Variants in ESF1 observed in about 807,000 individuals in gnomAD.
ESF1 encodes the protein ESF1 nucleolar pre-rRNA processing protein, also known as ESF1 homolog.
In ESF1, 58 loss-of-function variants were observed where a neutral mutation model predicts 92.0. The observed-to-expected ratio is 0.63, with a 90% CI of 0.51 to 0.78. The LOEUF is 0.78. Ranked by LOEUF, ESF1 falls within the 30% of genes least tolerant of loss-of-function variation. The pLI is 0.00. For synonymous variants in ESF1, 321 were observed against 313.7 expected, an observed-to-expected ratio of 1.02 and a Z score of -0.24; for missense variants, 922 against 989.1, an observed-to-expected ratio of 0.93 and a Z score of 0.91.
chr20:13,746,440 T>G (rs1230443442), intron 9 of ESF1, among the ~76,000 whole-genome samples: 1 of 152,218 alleles, frequency 6.6e-6, no homozygotes, highest in Non-Finnish European at 1.5e-5. Context: ...CACCTGCCTC[T>G]TTGTCAGTTA....
At position 13,715,080 on chromosome 20, in the gene ESF1, T is replaced by C. The variant is rs1162892064; in HGVS notation, c.2350A>G (p.Lys784Glu). 1.9e-6 allele frequency: 3 copies of C among 1,614,068 alleles called. No homozygotes were observed. The highest frequency in any genetic ancestry group is 2.5e-6 in the Non-Finnish European group (3 of 1,180,002). ...TCCTCAAGGATTTTTTCCATAGCTT[T>C]TGTTTTCTTGAAATTGGGATCTGAG... ...DPSDPNFKKT[K>E]AMEKILEEKA... is the part of the protein sequence containing the mutation. The change falls in exon 14 of 14, where the codon AAA becomes GAA. Residue 784 changes from lysine (K) to glutamate (E), a missense_variant. Physicochemically the swap from Lys to Glu is moderately conservative, Grantham distance 56. Coordinates refer to ENST00000617257, the MANE Select transcript of ESF1 (RefSeq NM_001276380.2).
chr20:13,783,528 C>T (rs768249239), intron 1 of ESF1, among the ~76,000 whole-genome samples: 5 of 152,162 alleles, frequency 3.3e-5, no homozygotes, highest in Non-Finnish European at 7.4e-5. Flanking sequence ...TAATTGAAGG[C>T]AAATGTAGTT....
rs867658549 is a variant in ESF1, at chr20:13,782,571, T to G, written c.570A>C (p.Ser190=). 1 of 1,580,252 alleles carries G rather than the reference T, an allele frequency of 6.3e-7. No homozygotes were observed. ...SLEEKQRTLD[S]GTSEIVKSPR... ...GAGATTTCACAATTTCAGAGGTGCC[T>G]GAGTCTAATGTCCTTTGTTTTTCTT... is the stretch of plus-strand genomic sequence containing the variant. Residue 190 remains serine (S), a synonymous_variant, in exon 2 of 14, where the codon TCA becomes TCC. Transcript: ENST00000617257.
At chr20:13,780,924 C>A (rs914022153) in intron 2 of ESF1, among the ~76,000 whole-genome samples, 1 of 152,226 alleles carries the variant, frequency 6.6e-6, no homozygotes, top group Non-Finnish European at 1.5e-5. Context: ...ACCTTATTAT[C>A]TAATCAAACG....
At chr20:13,752,508 A>G (rs1201225489) in intron 9 of ESF1, among the ~76,000 whole-genome samples, 1 of 152,248 alleles carries the variant, frequency 6.6e-6, no homozygotes, top group Non-Finnish European at 1.5e-5. Context: ...TTTTCTGAAT[A>G]TATTTCAAAT....
intron 11 of ESF1, among the ~76,000 whole-genome samples, chr20:13,720,367 A>C (rs1313870286): frequency 1.3e-5 from 2 of 152,186 alleles, no homozygotes; most frequent in Non-Finnish European, 2.9e-5. Context: ...TCAGCAAGTC[A>C]TCTTTGGAAC....
chr20:13,783,205 T>C (rs1980318988), intron 1 of ESF1, 22 bp from the exon 2 acceptor site: 1 of 1,471,844 alleles, frequency 6.8e-7, no homozygotes, highest in Admixed American at 2.2e-5. Context: ...AACAAATGTT[T>C]TAATGGTAAT....
At chr20:13,751,109 T>C (rs549027159) in intron 9 of ESF1, among the ~76,000 whole-genome samples, 1 of 152,340 alleles carries the variant, frequency 6.6e-6, no homozygotes, top group South Asian at 2.1e-4. Flanking sequence ...CAGCATAACA[T>C]CAGGGCCCAA....
chr20:13,784,877 C>A lies in ESF1; in HGVS notation c.-44+3G>T, dbSNP rs1238636825. On this transcript the variant is annotated splice_donor_region_variant and intron_variant, in intron 1 of 13. Transcript: ENST00000617257. Reference sequence around the variant, plus strand: ...TCTTCAACTCCAGTCCATCCCCACTCACCGTCCGCAGTCCTACCAAGCCTC... The same window carrying A: ...TCTTCAACTCCAGTCCATCCCCACTAACCGTCCGCAGTCCTACCAAGCCTC... 3 of 607,894 alleles carry A rather than the reference C, an allele frequency of 4.9e-6. No individual in the cohort carries two copies. The highest frequency in any genetic ancestry group is 5.5e-5 in the East Asian group (2 of 36,258). The allele number at this position is 607,894 out of a possible 1,614,324, so 37.7% of individuals were successfully genotyped here.
At chr20:13,732,876 A>G (rs1285846121) in intron 10 of ESF1, among the ~76,000 whole-genome samples, 1 of 151,862 alleles carries the variant, frequency 6.6e-6, no homozygotes, top group Non-Finnish European at 1.5e-5. Flanking sequence ...TTGTCCACAG[A>G]AACCACATTA....
chr20:13,751,278 G>A (rs901368960), intron 9 of ESF1, among the ~76,000 whole-genome samples: 5 of 152,196 alleles, frequency 3.3e-5, no homozygotes, highest in Admixed American at 6.5e-5. Flanking sequence ...ATAGAATAGC[G>A]AAAGTTTTGC....
chr20:13,770,596 C>T (rs1342944422), intron 6 of ESF1, among the ~76,000 whole-genome samples: 1 of 152,198 alleles, frequency 6.6e-6, no homozygotes, highest in Non-Finnish European at 1.5e-5. Context: ...GATCTTCCTG[C>T]CTAGGCCTCC....
In ESF1 at chr20:13,723,601, C is replaced by G. The variant is rs142541887; in HGVS notation, c.2039-4617G>C. ...GATAGAAGAAAAAATTATAAAAGAT[C>G]TCTAACATTCACCCTGGCACCTAAT... On this transcript the variant is annotated intron_variant, in intron 11 of 13. Coordinates refer to ENST00000617257, the MANE Select transcript of ESF1 (RefSeq NM_001276380.2). 4.2e-3 allele frequency among the ~76,000 whole-genome samples: 641 copies of G among 151,804 alleles called. 3 individuals carry two copies. Among genetic ancestry groups the G allele is most frequent in the African/African-American group, 0.015 (603 of 41,400 alleles).
At chr20:13,755,438 A>G (rs2147756916) in intron 9 of ESF1, among the ~76,000 whole-genome samples, 1 of 152,348 alleles carries the variant, frequency 6.6e-6, no homozygotes, top group South Asian at 2.1e-4. Context: ...TTATATAAAG[A>G]GTTAAAACTG....
chr20:13,773,047 C>T (rs1200411622), intron 4 of ESF1, among the ~76,000 whole-genome samples: 5 of 152,130 alleles, frequency 3.3e-5, no homozygotes, highest in Non-Finnish European at 5.9e-5. Flanking sequence ...CTCTGTCATA[C>T]CATTTATCCA....
At chr20:13,770,090 T>A in intron 6 of ESF1, 69 bp from the exon 7 acceptor site, 1 of 877,424 alleles carries the variant, frequency 1.1e-6, no homozygotes, top group South Asian at 1.5e-5. Flanking sequence ...GATTCTCATC[T>A]AATTAGTTGT....
chr20:13,771,272 T>C, intron 6 of ESF1, 59 bp downstream of exon 6: 1 of 1,490,048 alleles, frequency 6.7e-7, no homozygotes. Flanking sequence ...TCAAATATTT[T>C]ACTTCTTATA....
chr20:13,737,968 A>T (rs1444212734), intron 9 of ESF1, among the ~76,000 whole-genome samples: 7 of 152,150 alleles, frequency 4.6e-5, no homozygotes, highest in Admixed American at 2.0e-4. Context: ...ACAGAGTATA[A>T]GGATTTTTAG....
At chr20:13,732,147 A>G (rs1214452649) in intron 10 of ESF1, among the ~76,000 whole-genome samples, 1 of 152,166 alleles carries the variant, frequency 6.6e-6, no homozygotes, top group Non-Finnish European at 1.5e-5. Context: ...TGGTGTCTGA[A>G]AGGGTGGAGG....
Sources: gnomAD v4.1 joint callset for allele counts (sites outside exome capture counted in the v4.1 genomes callset) on GRCh38, gnomAD v4.1.1 for gene constraint, MANE v1.5 for transcripts, NCBI Gene and HGNC (gene_info 2026-07-23, HGNC 2026-07-21) for gene names.